TMTC4: variants seen among roughly 807,000 people sequenced by gnomAD.
TMTC4 encodes the protein transmembrane O-mannosyltransferase targeting cadherins 4.
TMTC4 carries 65 observed loss-of-function variants against 86.0 expected under a neutral mutation model. The observed-to-expected ratio is 0.76, with a 90% CI of 0.62 to 0.93. The LOEUF (loss-of-function observed/expected upper bound fraction) is 0.93. TMTC4 is among the 40% of genes least tolerant of loss of function. The pLI, the probability that TMTC4 is intolerant of heterozygous loss-of-function variation, is 0.00. For missense variants in TMTC4, 866 were observed against 948.1 expected, an observed-to-expected ratio of 0.91 and a Z score of 1.14; for synonymous variants, 379 against 382.5, an observed-to-expected ratio of 0.99 and a Z score of 0.11.
intron 6 of TMTC4, 62 bp downstream of exon 6, chr13:100,656,319 C>T (rs1365249645): frequency 4.8e-6 from 7 of 1,453,954 alleles, no homozygotes; most frequent in Non-Finnish European, 5.7e-6. Context: ...TGTTAAGACA[C>T]TGCTCAACAG....
chr13:100,633,312 GAAAAAAAAAA>G (rs10523073), intron 12 of TMTC4, among the ~76,000 whole-genome samples: 30,745 of 79,956 alleles, frequency 0.38, 5,165 homozygotes, highest in East Asian at 0.68. Context: ...CCATCTCAGG[GAAAAAAAAAA>G]AAAAAAAAAA....
Position 100,637,615 on chromosome 13 carries a change from T to G in TMTC4, c.922A>C (p.Arg308=). 6.2e-7 allele frequency: 1 copy of G among 1,614,148 alleles called. No homozygotes were observed. Among genetic ancestry groups the G allele is most frequent in the Non-Finnish European group, 8.5e-7 (1 of 1,180,032 alleles). Residue 308 remains arginine (R), a synonymous_variant, in exon 9 of 19, where the codon AGG becomes CGG. Transcript: ENST00000342624. ...GGAGMLYVRW[R]IMGTGPPAFT... ...GCCGGCGGGCCCGTGCCCATGATCC[T>G]CCAGCGCACGTAGAGCATCCCAGCC...
intron 15 of TMTC4, among the ~76,000 whole-genome samples, chr13:100,618,841 G>T (rs948009781): frequency 2.6e-5 from 4 of 152,206 alleles, no homozygotes; most frequent in African/African-American, 9.6e-5. Flanking sequence ...CAAGGCAGAA[G>T]AATTTTTCTT....
intron 15 of TMTC4, chr13:100,625,318 C>G: frequency 1.6e-6 from 1 of 610,344 alleles, no homozygotes; most frequent in Non-Finnish European, 2.8e-6. Flanking sequence ...CGTGGGTGAC[C>G]TCTTAAACTT....
At chr13:100,632,911 T>G (rs116338643) in intron 12 of TMTC4, among the ~76,000 whole-genome samples, 1 of 152,140 alleles carries the variant, frequency 6.6e-6, no homozygotes, top group East Asian at 1.9e-4. Flanking sequence ...ATGATAATAA[T>G]CTATACTAAA....
chr13:100,668,858 C>G, intron 2 of TMTC4, 64 bp from the exon 3 acceptor site: 1 of 1,486,614 alleles, frequency 6.7e-7, no homozygotes, highest in East Asian at 2.3e-5. Context: ...CTGCAGTGGG[C>G]ACCGTGAGTA....
intron 16 of TMTC4, 34 bp from the exon 17 acceptor site, chr13:100,612,544 T>C: frequency 2.0e-6 from 3 of 1,523,148 alleles, no homozygotes; most frequent in Non-Finnish European, 2.7e-6. Flanking sequence ...AAAAGACATG[T>C]TAATGTTGTA....
At chr13:100,673,958 G>A (rs1017877144) in intron 1 of TMTC4, 21 of 895,772 alleles carry the variant, frequency 2.3e-5, no homozygotes, top group Non-Finnish European at 2.7e-5. Flanking sequence ...GCGAAGTGTG[G>A]GATGACTCAT....
At chr13:100,617,045 T>G (rs947289442) in intron 15 of TMTC4, among the ~76,000 whole-genome samples, 3 of 152,246 alleles carry the variant, frequency 2.0e-5, no homozygotes, top group African/African-American at 7.2e-5. Flanking sequence ...TCGTTTTTGT[T>G]GCAATTGCTT....
chr13:100,632,960 G>T (rs530481482), intron 12 of TMTC4, among the ~76,000 whole-genome samples: 6 of 152,142 alleles, frequency 3.9e-5, no homozygotes, highest in African/African-American at 1.2e-4. Flanking sequence ...CCCCCATTTT[G>T]AGCAAATAGC....
chr13:100,626,452 T>C (rs1880560108), intron 12 of TMTC4, among the ~76,000 whole-genome samples: 1 of 152,160 alleles, frequency 6.6e-6, no homozygotes, highest in African/African-American at 2.4e-5. Context: ...TTTTAAAATT[T>C]TACTTTTGAT....
intron 12 of TMTC4, among the ~76,000 whole-genome samples, chr13:100,628,266 C>T (rs528185065): frequency 6.6e-6 from 1 of 152,336 alleles, no homozygotes; most frequent in South Asian, 2.1e-4. Context: ...TTGACTCCCA[C>T]GTGCCTCATG....
In TMTC4 at chr13:100,604,999, C is replaced by T. The variant is rs759191164; in HGVS notation, c.2278G>A (p.Val760Ile). 6.2e-7 allele frequency: 1 copy of T among 1,613,098 alleles called. No homozygotes were observed. Among genetic ancestry groups the T allele is most frequent in the Non-Finnish European group, 8.5e-7 (1 of 1,179,666 alleles). ...RKLELMQKKA[V>I] is the part of the protein sequence containing the mutation. ...AAAACATGAAGGAAACAGGATCAGA[C>T]AGCTTTCTTTTGCATTAGTTCTAGC... Residue 760 changes from valine (V) to isoleucine (I), a missense_variant, in exon 19 of 19, where the codon GTC (valine) becomes ATC (isoleucine). Coordinates refer to ENST00000342624, the MANE Select transcript of TMTC4 (RefSeq NM_032813.5).
Position 100,637,601 on chromosome 13 carries a change from C to T in TMTC4, c.936G>A (p.Thr312=), listed in dbSNP as rs146448423. Residue 312 remains threonine, a synonymous_variant, in exon 9 of 19, where the codon ACG becomes ACA. Transcript: ENST00000342624. ...MLYVRWRIMG[T]GPPAFTEVDN... The stretch of plus-strand genomic sequence containing the variant: ...CCACCTCGGTGAAGGCCGGCGGGCC[C>T]GTGCCCATGATCCTCCAGCGCACGT... 24 of 1,614,034 alleles carry T rather than the reference C, an allele frequency of 1.5e-5. No individual in the cohort carries two copies. In the South Asian group the frequency reaches 1.9e-4, roughly 13 times the overall value.
chr13:100,648,775 G>T (rs975355403), intron 6 of TMTC4, among the ~76,000 whole-genome samples: 1 of 152,136 alleles, frequency 6.6e-6, no homozygotes, highest in Non-Finnish European at 1.5e-5. Context: ...GACCTCCCAG[G>T]CTCAAGCAAT....
chr13:100,660,187 C>A (rs1284963862), intron 5 of TMTC4, among the ~76,000 whole-genome samples: 1 of 151,232 alleles, frequency 6.6e-6, no homozygotes, highest in Admixed American at 6.6e-5. Context: ...AAAAATTAAC[C>A]GGATGTGGTG....
Position 100,627,186 on chromosome 13 carries a change from C to G in TMTC4, c.1507-1036G>C, listed in dbSNP as rs112468180. Among the ~76,000 whole-genome samples, 289 of 152,242 alleles carry G rather than the reference C, an allele frequency of 1.9e-3. 2 individuals carry two copies. The highest frequency in any genetic ancestry group is 6.6e-3 in the African/African-American group (273 of 41,546). On this transcript the variant is annotated intron_variant, in intron 12 of 18. Coordinates refer to ENST00000342624, the MANE Select transcript of TMTC4 (RefSeq NM_032813.5). ...CAAGGGCCTCGGTGTGGCTGGAGCACAGAGAGCAGGGATGCAGGTTGGAGA... is the reference window on the plus strand; with the variant it reads ...CAAGGGCCTCGGTGTGGCTGGAGCAGAGAGAGCAGGGATGCAGGTTGGAGA...
intron 13 of TMTC4, 46 bp from the exon 14 acceptor site, chr13:100,625,938 T>C (rs1275386540): frequency 1.2e-6 from 2 of 1,600,926 alleles, no homozygotes; most frequent in East Asian, 4.5e-5. Context: ...TGCTCAATAG[T>C]AAGTTTTTAC....
At chr13:100,621,370 T>C (rs1445036910) in intron 15 of TMTC4, among the ~76,000 whole-genome samples, 1 of 152,026 alleles carries the variant, frequency 6.6e-6, no homozygotes, top group Non-Finnish European at 1.5e-5. Flanking sequence ...AGCAATAAAG[T>C]AACAGAAGAG....
Sources: gnomAD v4.1 joint callset for allele counts (sites outside exome capture counted in the v4.1 genomes callset) on GRCh38, gnomAD v4.1.1 for gene constraint, MANE v1.5 for transcripts, NCBI Gene and HGNC (gene_info 2026-07-23, HGNC 2026-07-21) for gene names.